Variants in TFDP2 observed in about 807,000 individuals in gnomAD.
TFDP2 encodes the protein transcription factor Dp-2, also known as transcription factor Dp-2 (E2F dimerization partner 2).
Under a neutral mutation model 59.3 loss-of-function variants are expected in TFDP2, and 17 were observed. The ratio of observed to expected loss-of-function variants is 0.29; its 90% confidence interval spans 0.20 to 0.43. The LOEUF (loss-of-function observed/expected upper bound fraction) is 0.43, where lower values mean the gene tolerates loss of function less well. Among genes scored for constraint, TFDP2 ranks in the 20% least tolerant of loss-of-function variants. The probability of loss-of-function intolerance (pLI) is 1.00; values close to 1 mark genes in which losing one functional copy is unlikely to be tolerated. For synonymous variants in TFDP2, 180 were observed against 194.7 expected, an observed-to-expected ratio of 0.92 and a Z score of 0.63; for missense variants, 391 against 528.8, an observed-to-expected ratio of 0.74 and a Z score of 2.56.
At chr3:142,006,407 G>C (rs1415035615) in intron 3 of TFDP2, among the ~76,000 whole-genome samples, 1 of 151,654 alleles carries the variant, frequency 6.6e-6, no homozygotes, top group Admixed American at 6.6e-5. Flanking sequence ...TTCCTTCTTA[G>C]TTGCCTTCCT....
At position 142,018,750 on chromosome 3, in the gene TFDP2, T is replaced by C. The variant is rs571765558; in HGVS notation, c.83-13206A>G. Among the ~76,000 whole-genome samples the C allele has an allele frequency of 1.7e-3, 254 of 152,252 alleles. 1 individual carries two copies. The highest frequency in any genetic ancestry group is 6.0e-3 in the African/African-American group (249 of 41,554). On this transcript the variant is annotated intron_variant, in intron 3 of 12. Coordinates refer to ENST00000489671, the MANE Select transcript of TFDP2 (RefSeq NM_001178139.2). ...AGCCACTGCACCCAGGCAATGTGTT[T>C]TTAAATTTTATTTTCTTTGACAACT...
chr3:141,989,003 T>C (rs1360454654), intron 6 of TFDP2: 1 of 152,226 alleles, frequency 6.6e-6, no homozygotes, highest in Non-Finnish European at 1.5e-5. Context: ...TTCTTTTCCA[T>C]AGGATCTTCT....
At chr3:141,982,556 AG>A (rs1941606703) in intron 6 of TFDP2, among the ~76,000 whole-genome samples, 2 of 152,148 alleles carry the variant, frequency 1.3e-5, no homozygotes, top group African/African-American at 2.4e-5. Flanking sequence ...AGAGTGAAGC[AG>A]GGTTGTTTTT....
chr3:141,979,217 CAT>C (rs903350545), intron 6 of TFDP2, among the ~76,000 whole-genome samples: 6 of 152,274 alleles, frequency 3.9e-5, no homozygotes, highest in Non-Finnish European at 5.9e-5. Flanking sequence ...GCATTACTCA[CAT>C]GTTTGTGGTG....
intron 8 of TFDP2, 37 bp from the exon 9 acceptor site, chr3:141,970,178 G>A: frequency 6.3e-7 from 1 of 1,586,360 alleles, no homozygotes; most frequent in Non-Finnish European, 8.7e-7. Flanking sequence ...ATGAACATAG[G>A]TAGACTATAA....
intron 6 of TFDP2, among the ~76,000 whole-genome samples, chr3:141,988,715 C>G (rs1227008538): frequency 5.2e-5 from 7 of 134,614 alleles, no homozygotes; most frequent in Non-Finnish European, 9.2e-5. Flanking sequence ...TGTCGTCAGG[C>G]TGGAGTGCAG....
At chr3:142,011,158 T>C (rs1576690108) in intron 3 of TFDP2, among the ~76,000 whole-genome samples, 2 of 30,174 alleles carry the variant, frequency 6.6e-5, no homozygotes, top group East Asian at 8.4e-4. Flanking sequence ...TATTGCGGCA[T>C]TATTCACAAT....
chr3:142,075,423 C>T (rs1418116264), intron 3 of TFDP2, among the ~76,000 whole-genome samples: 2 of 152,164 alleles, frequency 1.3e-5, no homozygotes, highest in Non-Finnish European at 1.5e-5. Context: ...TCTCTGCCAT[C>T]AAATTCTTCC....
At position 141,952,544 on chromosome 3, in the gene TFDP2, T is replaced by C. The variant is rs773465132; in HGVS notation, c.1310A>G (p.Asp437Gly). 1 of 1,555,566 alleles carries C rather than the reference T, an allele frequency of 6.4e-7. No individual in the cohort carries two copies. Among genetic ancestry groups the C allele is most frequent in the South Asian group, 1.3e-5 (1 of 79,880 alleles). Residue 437 changes from aspartate to glycine, a missense_variant, in exon 13 of 13, where the codon GAT becomes GGT. This residue lies in a region of TFDP2 where 223 missense variants were observed against 292.5 expected (regional missense o/e 0.76). Coordinates refer to ENST00000489671, the MANE Select transcript of TFDP2 (RefSeq NM_001178139.2). The part of the protein sequence containing the change: ...PCSFNDEDEE[D>G]DEEDSSSPE ...TGGGGAGGAGGAATCCTCCTCATCATCTTCCTCATCTTCATCATTGAACGA... is the reference window on the plus strand; with the variant it reads ...TGGGGAGGAGGAATCCTCCTCATCACCTTCCTCATCTTCATCATTGAACGA...
chr3:142,034,379 G>T (rs900458533), intron 3 of TFDP2, among the ~76,000 whole-genome samples: 2 of 151,964 alleles, frequency 1.3e-5, no homozygotes, highest in Admixed American at 1.3e-4. Context: ...GATTACAGGT[G>T]TTAGCCACCA....
rs1172533695 is a variant in TFDP2, at chr3:142,120,528, T to TG, written c.-92-18688_-92-18687insC. 6.6e-5 allele frequency among the ~76,000 whole-genome samples: 10 copies of TG among 152,292 alleles called. 1 individual carries two copies. Among genetic ancestry groups the TG allele is most frequent in the African/African-American group, 2.4e-4 (10 of 41,558 alleles). On this transcript the variant is annotated intron_variant, in intron 1 of 12. Coordinates refer to ENST00000489671, the MANE Select transcript of TFDP2 (RefSeq NM_001178139.2). ...CCCATAAATTAGATAAACATGCCAT[T>TG]TACCAGCCAAGTCATCAGTAAAAAA...
intron 9 of TFDP2, among the ~76,000 whole-genome samples, chr3:141,968,300 A>G (rs1298574739): frequency 3.8e-5 from 5 of 130,422 alleles, no homozygotes; most frequent in Admixed American, 8.7e-5. Flanking sequence ...TATATAATAT[A>G]TAATATATAT....
At chr3:142,012,091 C>T (rs1036188535) in intron 3 of TFDP2, among the ~76,000 whole-genome samples, 3 of 150,030 alleles carry the variant, frequency 2.0e-5, no homozygotes, top group Non-Finnish European at 4.4e-5. Flanking sequence ...TGGCTCACTG[C>T]AAGCTCTGCC....
intron 7 of TFDP2, among the ~76,000 whole-genome samples, chr3:141,978,045 AAC>A (rs1940969359): frequency 6.6e-6 from 1 of 151,730 alleles, no homozygotes; most frequent in Non-Finnish European, 1.5e-5. Flanking sequence ...AACAAAAAAA[AAC>A]AAAAAAAACA....
intron 5 of TFDP2, 122 bp from the exon 6 acceptor site, chr3:141,993,707 A>G: frequency 2.0e-6 from 1 of 500,856 alleles, no homozygotes; most frequent in Non-Finnish European, 3.5e-6. Flanking sequence ...TAAAACTAGC[A>G]AATACAAAAG....
chr3:142,042,630 C>CTTT (rs66981475), intron 3 of TFDP2, among the ~76,000 whole-genome samples: 77 of 108,166 alleles, frequency 7.1e-4, no homozygotes, highest in East Asian at 1.6e-3. Context: ...CTTTTCTTTT[C>CTTT]TTTTTTTTTT....
intron 1 of TFDP2, among the ~76,000 whole-genome samples, chr3:142,130,633 C>T (rs1158827667): frequency 2.6e-5 from 4 of 151,824 alleles, no homozygotes; most frequent in Admixed American, 1.3e-4. Flanking sequence ...AATGCGATCC[C>T]GGGAATTATT....
chr3:142,037,434 T>C (rs1350195420), intron 3 of TFDP2, among the ~76,000 whole-genome samples: 1 of 152,166 alleles, frequency 6.6e-6, no homozygotes, highest in African/African-American at 2.4e-5. Context: ...ATAGATAAGG[T>C]GGTCCAAGAA....
intron 6 of TFDP2, among the ~76,000 whole-genome samples, chr3:141,984,472 C>A (rs187048246): frequency 6.6e-6 from 1 of 151,884 alleles, no homozygotes; most frequent in African/African-American, 2.4e-5. Flanking sequence ...ACACGCCTGG[C>A]GACAGAGCGA....
Sources: allele counts gnomAD v4.1 joint callset (sites outside exome capture counted in the v4.1 genomes callset), GRCh38; gene constraint gnomAD v4.1.1; regional missense constraint gnomAD v4.1.1; transcripts MANE v1.5; gene names NCBI Gene and HGNC (gene_info 2026-07-23, HGNC 2026-07-21).